The following MOB3B variants were observed in gnomAD, a reference collection of about 807,000 sequenced individuals.
MOB3B encodes the protein MOB kinase activator-like 2B.
MOB3B carries 7 observed loss-of-function variants against 18.7 expected under a neutral mutation model. The observed-to-expected ratio is 0.37, with a 90% confidence interval of 0.21 to 0.70. The LOEUF is 0.70. Among genes scored for constraint, MOB3B ranks in the 30% least tolerant of loss-of-function variants. The pLI, the probability that MOB3B is intolerant of heterozygous loss-of-function variation, is 0.52. For synonymous variants in MOB3B, 111 were observed against 99.9 expected (o/e 1.11, Z -0.66); for missense variants, 253 against 281.3 (o/e 0.90, Z 0.72).
intron 1 of MOB3B, among the ~76,000 whole-genome samples, chr9:27,515,264 A>G (rs907973120): frequency 6.6e-6 from 1 of 152,178 alleles, no homozygotes; most frequent in African/African-American, 2.4e-5. Context: ...ATTTCTATAA[A>G]TGGTTTCAAA....
At chr9:27,401,922 G>GT (rs983802081) in intron 2 of MOB3B, among the ~76,000 whole-genome samples, 1 of 152,116 alleles carries the variant, frequency 6.6e-6, no homozygotes, top group Non-Finnish European at 1.5e-5. Flanking sequence ...TGCTCTACTA[G>GT]TTTTTTTCTG....
chr9:27,488,543 G>A (rs912000575), intron 1 of MOB3B, among the ~76,000 whole-genome samples: 3 of 152,142 alleles, frequency 2.0e-5, no homozygotes, highest in Non-Finnish European at 4.4e-5. Flanking sequence ...GAGTAGCTGG[G>A]ATTACAGGCA....
chr9:27,480,386 G>T (rs1038040897), intron 1 of MOB3B, among the ~76,000 whole-genome samples: 1 of 150,708 alleles, frequency 6.6e-6, no homozygotes. Flanking sequence ...TGCAAGCTCC[G>T]CCTCCTGGGT....
At chr9:27,500,938 G>A (rs1018163762) in intron 1 of MOB3B, among the ~76,000 whole-genome samples, 1 of 152,094 alleles carries the variant, frequency 6.6e-6, no homozygotes, top group Non-Finnish European at 1.5e-5. Context: ...AGTGGGCAAA[G>A]GATATGAACA....
At chr9:27,438,357 T>C (rs576031563) in intron 2 of MOB3B, among the ~76,000 whole-genome samples, 117 of 152,238 alleles carry the variant, frequency 7.7e-4, no homozygotes, top group Non-Finnish European at 1.2e-3. Flanking sequence ...CAGTCTGAGA[T>C]TGTGACAGGC....
intron 2 of MOB3B, among the ~76,000 whole-genome samples, chr9:27,430,679 G>A (rs1252692437): frequency 2.0e-5 from 3 of 152,034 alleles, no homozygotes; most frequent in Non-Finnish European, 4.4e-5. Flanking sequence ...TCGTCCAGGC[G>A]GAATTCAAAG....
rs142651306 is a variant in MOB3B, at chr9:27,372,808, T to C, written c.419-13572A>G. Among the ~76,000 whole-genome samples, 264 of 152,276 alleles carry C rather than the reference T, an allele frequency of 1.7e-3. 4 individuals are homozygous for C. The highest frequency in any genetic ancestry group is 5.7e-4 in the Non-Finnish European group (39 of 68,020). On this transcript the variant is annotated intron_variant, in intron 2 of 3. Transcript: ENST00000262244. ...ATGTAATGTGGTATCCTGGATGGAA[T>C]CCAGGAACAGAAAAAGGGCATTAGG...
At chr9:27,509,004 A>G (rs1488347400) in intron 1 of MOB3B, among the ~76,000 whole-genome samples, 1 of 152,220 alleles carries the variant, frequency 6.6e-6, no homozygotes, top group Non-Finnish European at 1.5e-5. Context: ...TGCTGTCGTC[A>G]GTTGGCGATG....
In MOB3B at chr9:27,329,720, C is replaced by CT. The variant is rs1820760637; in HGVS notation, c.*866dup. On this transcript the variant is annotated 3_prime_UTR_variant, in exon 4 of 4. Transcript: ENST00000262244. ...AACACTGCAGTAATCATGCCCAACG[C>CT]TCCCGCTGATCATTCTTAGTTATTT... is the stretch of plus-strand genomic sequence containing the variant. The CT allele has an allele frequency of 6.5e-6, 1 of 152,686 alleles. No individual in the cohort carries two copies. Among genetic ancestry groups the CT allele is most frequent in the South Asian group, 2.1e-4 (1 of 4,824 alleles). The allele number at this position is 152,686 out of a possible 1,614,324, so 9.5% of individuals were successfully genotyped here.
In MOB3B at chr9:27,474,222, T is replaced by C. The variant is rs1224177701; in HGVS notation, c.-198-18474A>G. Among the ~76,000 whole-genome samples the C allele has an allele frequency of 3.9e-5, 6 of 152,318 alleles. No individual in the cohort carries two copies. The South Asian group carries it at 1.2e-3, about 32-fold the overall frequency. The stretch of plus-strand genomic sequence containing the variant: ...TGGGAAGGAGATAAAGTAATAGTGA[T>C]AATAATTTATATTTCCTCCAACCAT... On this transcript the variant is annotated intron_variant, in intron 1 of 3. Coordinates refer to ENST00000262244, the MANE Select transcript of MOB3B (RefSeq NM_024761.5).
chr9:27,401,305 A>G (rs540175752), intron 2 of MOB3B, among the ~76,000 whole-genome samples: 6 of 152,268 alleles, frequency 3.9e-5, no homozygotes, highest in African/African-American at 9.6e-5. Flanking sequence ...TTTCGATTCA[A>G]TGGCTCACGA....
chr9:27,397,304 AG>A (rs1821815477), intron 2 of MOB3B: 1 of 151,920 alleles, frequency 6.6e-6, no homozygotes, highest in African/African-American at 2.4e-5. Flanking sequence ...AGTGGCAAAG[AG>A]AAAAAAAAAA....
In MOB3B at chr9:27,481,477, G is replaced by A. The variant is rs190525511; in HGVS notation, c.-198-25729C>T. On this transcript the variant is annotated intron_variant, in intron 1 of 3. Transcript: ENST00000262244. ...GCGCCTGGGGTAAACTGGTAAGCGT[G>A]TACCTGTCTAAGGAAGGTAGTTTTT... Among the ~76,000 whole-genome samples the A allele has an allele frequency of 6.5e-4, 97 of 148,178 alleles. 1 individual carries two copies. The East Asian group carries it at 0.018, about 28-fold the overall frequency.
chr9:27,437,436 CA>C (rs1332651040), intron 2 of MOB3B, among the ~76,000 whole-genome samples: 1 of 152,180 alleles, frequency 6.6e-6, no homozygotes, highest in African/African-American at 2.4e-5. Flanking sequence ...CTACTAATGA[CA>C]ACTTTCCTAT....
intron 2 of MOB3B, among the ~76,000 whole-genome samples, chr9:27,435,664 A>G (rs547643452): frequency 6.6e-6 from 1 of 152,232 alleles, no homozygotes; most frequent in Non-Finnish European, 1.5e-5. Context: ...CAGTGGCGCT[A>G]TCTCTACTCA....
intron 2 of MOB3B, among the ~76,000 whole-genome samples, chr9:27,411,129 T>A (rs1184398798): frequency 6.6e-6 from 1 of 152,204 alleles, no homozygotes; most frequent in Admixed American, 6.5e-5. Context: ...TTTGATACAA[T>A]GATGTATCCC....
At chr9:27,332,454 G>A (rs1031480786) in intron 3 of MOB3B, among the ~76,000 whole-genome samples, 21 of 152,168 alleles carry the variant, frequency 1.4e-4, no homozygotes, top group African/African-American at 4.8e-4. Flanking sequence ...TTTGCAATAG[G>A]TCTGTACTTT....
rs901835277 is a variant in MOB3B, at chr9:27,355,490, T to C, written c.621+3544A>G. ...TCATCCTTTGAGGGTCAAAAATGGG[T>C]GACATTTATTATTTTATATTTTTCA... is the stretch of plus-strand genomic sequence containing the variant. On this transcript the variant is annotated intron_variant, in intron 3 of 3. Coordinates refer to ENST00000262244, the MANE Select transcript of MOB3B (RefSeq NM_024761.5). 8.5e-5 allele frequency among the ~76,000 whole-genome samples: 13 copies of C among 152,220 alleles called. No individual in the cohort carries two copies. The South Asian group carries it at 2.1e-3, about 24-fold the overall frequency.
intron 3 of MOB3B, among the ~76,000 whole-genome samples, chr9:27,333,165 A>G (rs925597026): frequency 1.3e-5 from 2 of 152,150 alleles, no homozygotes; most frequent in African/African-American, 4.8e-5. Flanking sequence ...TACTTATTCA[A>G]GGTCACTGAG....
Sources: allele counts gnomAD v4.1 joint callset (sites outside exome capture counted in the v4.1 genomes callset), GRCh38; gene constraint gnomAD v4.1.1; transcripts MANE v1.5; gene names NCBI Gene and HGNC (gene_info 2026-07-23, HGNC 2026-07-21).